SLC2A12: variants seen among roughly 807,000 people sequenced by gnomAD.
SLC2A12 encodes solute carrier family 2 member 12, also known as solute carrier family 2, facilitated glucose transporter member 12.
SLC2A12 carries 23 observed loss-of-function variants against 41.8 expected under a neutral mutation model. That is an observed-to-expected ratio of 0.55 (90% CI 0.40 to 0.78). SLC2A12 has a LOEUF of 0.78. SLC2A12 is among the 30% of genes least tolerant of loss of function. The pLI is 0.00. For missense variants in SLC2A12, 654 were observed against 745.6 expected, an observed-to-expected ratio of 0.88 and a Z score of 1.43; for synonymous variants, 295 against 285.9, an observed-to-expected ratio of 1.03 and a Z score of -0.32.
At chr6:134,030,260 C>T (rs891189952) in intron 1 of SLC2A12, among the ~76,000 whole-genome samples, 19 of 152,168 alleles carry the variant, frequency 1.2e-4, no homozygotes, top group African/African-American at 3.9e-4. Context: ...CACAGTCGTG[C>T]TGCAAATGGC....
chr6:134,049,784 C>T (rs894681877), intron 1 of SLC2A12, among the ~76,000 whole-genome samples: 3 of 152,150 alleles, frequency 2.0e-5, no homozygotes, highest in Admixed American at 6.5e-5. Flanking sequence ...AAAGACCTAC[C>T]AAAATTTTTC....
At chr6:133,992,146 G>A (rs1776631813) in intron 4 of SLC2A12, among the ~76,000 whole-genome samples, 1 of 152,134 alleles carries the variant, frequency 6.6e-6, no homozygotes, top group South Asian at 2.1e-4. Context: ...TCTGAGGAAG[G>A]TATTTTTTCA....
chr6:134,029,281 C>T lies in SLC2A12; in HGVS notation c.544G>A (p.Ala182Thr). Residue 182 changes from alanine (A) to threonine (T), a missense_variant, in exon 2 of 5, where the codon GCC (alanine) becomes ACC (threonine). Physicochemically the swap from Ala to Thr is moderately conservative, Grantham distance 58. Transcript: ENST00000275230. ...ELMIVIGILSAYISNYAFANV... is the reference protein window; with the variant it reads ...ELMIVIGILSTYISNYAFANV... Reference sequence around the variant, plus strand: ...GCAAATGCGTAATTTGAAATATAGGCAGAAAGAATGCCGATGACAATCATC... The same window carrying T: ...GCAAATGCGTAATTTGAAATATAGGTAGAAAGAATGCCGATGACAATCATC... 1 of 1,614,156 alleles carries T rather than the reference C, an allele frequency of 6.2e-7. No homozygotes were observed. The highest frequency in any genetic ancestry group is 2.2e-5 in the East Asian group (1 of 44,878).
chr6:134,008,339 A>G (rs150958514), intron 2 of SLC2A12, among the ~76,000 whole-genome samples: 37 of 152,360 alleles, frequency 2.4e-4, no homozygotes, highest in African/African-American at 8.7e-4. Context: ...ATTGCAGAAG[A>G]CTGGAAAAAA....
At chr6:134,027,595 G>C (rs946717888) in intron 2 of SLC2A12, among the ~76,000 whole-genome samples, 1 of 152,020 alleles carries the variant, frequency 6.6e-6, no homozygotes, top group Admixed American at 6.6e-5. Context: ...CTAGTGAGGC[G>C]TACAAAAGAC....
At chr6:134,014,780 A>T (rs897649667) in intron 2 of SLC2A12, among the ~76,000 whole-genome samples, 1 of 152,222 alleles carries the variant, frequency 6.6e-6, no homozygotes, top group African/African-American at 2.4e-5. Flanking sequence ...ACTGAGAGAT[A>T]AGTTAAACAC....
chr6:134,030,097 C>T (rs1562200782), intron 1 of SLC2A12, among the ~76,000 whole-genome samples: 1 of 152,184 alleles, frequency 6.6e-6, no homozygotes, highest in East Asian at 1.9e-4. Context: ...AAGAGCCTGA[C>T]TCTTTGGTCC....
Position 134,025,534 on chromosome 6 carries a change from G to A in SLC2A12, c.1444+2847C>T, listed in dbSNP as rs529604310. The stretch of plus-strand genomic sequence containing the variant: ...GAATGTTATTGAAAGACAACCAGCC[G>A]ACAGAATGTTTTCTCTTTTGTTGTT... On this transcript the variant is annotated intron_variant, in intron 2 of 4. Coordinates refer to ENST00000275230, the MANE Select transcript of SLC2A12 (RefSeq NM_145176.3). Among the ~76,000 whole-genome samples, 122 of 152,180 alleles carry A rather than the reference G, an allele frequency of 8.0e-4. No individual in the cohort carries two copies. In the Middle Eastern group the frequency reaches 0.017, roughly 21 times the overall value.
At chr6:134,030,217 C>T (rs574927913) in intron 1 of SLC2A12, among the ~76,000 whole-genome samples, 4 of 152,134 alleles carry the variant, frequency 2.6e-5, no homozygotes, top group Non-Finnish European at 4.4e-5. Flanking sequence ...TGAAACACAG[C>T]CTCCAGGAAA....
At chr6:134,023,717 T>A (rs558141620) in intron 2 of SLC2A12, among the ~76,000 whole-genome samples, 17 of 152,212 alleles carry the variant, frequency 1.1e-4, no homozygotes, top group Non-Finnish European at 2.1e-4. Context: ...TCACCTCTTA[T>A]TTTAGATGGA....
intron 2 of SLC2A12, among the ~76,000 whole-genome samples, chr6:134,008,751 GAAGCTA>G (rs2114436355): frequency 6.6e-6 from 1 of 152,300 alleles, no homozygotes; most frequent in Non-Finnish European, 1.5e-5. Flanking sequence ...ATCCGATTTT[GAAGCTA>G]AATAATATAT....
At chr6:134,039,449 T>C (rs941393541) in intron 1 of SLC2A12, among the ~76,000 whole-genome samples, 15 of 152,250 alleles carry the variant, frequency 9.9e-5, no homozygotes, top group Non-Finnish European at 1.9e-4. Flanking sequence ...ATGCTTTCCA[T>C]AATTTATTTA....
intron 1 of SLC2A12, among the ~76,000 whole-genome samples, chr6:134,043,102 C>T (rs542216582): frequency 6.6e-6 from 1 of 152,280 alleles, no homozygotes; most frequent in South Asian, 2.1e-4. Flanking sequence ...CACTACAGCA[C>T]TCTTCAAATT....
chr6:134,018,583 G>A (rs777662046), intron 2 of SLC2A12, among the ~76,000 whole-genome samples: 4 of 151,978 alleles, frequency 2.6e-5, no homozygotes, highest in South Asian at 2.1e-4. Flanking sequence ...TCATACAAAC[G>A]TTGGCCCAAA....
At chr6:134,032,420 AT>A (rs1562201538) in intron 1 of SLC2A12, among the ~76,000 whole-genome samples, 7 of 36,522 alleles carry the variant, frequency 1.9e-4, no homozygotes, top group Admixed American at 3.0e-4. Flanking sequence ...ATATATATAT[AT>A]ATATTTATAT....
rs142968040 is a variant in SLC2A12 at position 134,047,650 on chromosome 6, T to C, written c.103+4728A>G. On this transcript the variant is annotated intron_variant, in intron 1 of 4. Transcript: ENST00000275230. ...AGGAAAGATACCCTGTGGGCTCATA[T>C]TCAGGTCCTATCAGCTACCACCAGG... is the stretch of plus-strand genomic sequence containing the variant. Among the ~76,000 whole-genome samples, 348 of 152,336 alleles carry C rather than the reference T, an allele frequency of 2.3e-3. 2 individuals carry two copies. Among genetic ancestry groups the C allele is most frequent in the African/African-American group, 8.0e-3 (331 of 41,584 alleles).
intron 2 of SLC2A12, among the ~76,000 whole-genome samples, chr6:134,018,793 G>A (rs1253388275): frequency 1.3e-5 from 2 of 151,536 alleles, no homozygotes; most frequent in African/African-American, 2.4e-5. Flanking sequence ...ACTGGTTCGT[G>A]AAAATAAGAT....
intron 1 of SLC2A12, among the ~76,000 whole-genome samples, chr6:134,042,547 G>GA (rs563614759): frequency 0.12 from 15,602 of 135,126 alleles, 1,628 homozygotes; most frequent in African/African-American, 0.29. Flanking sequence ...CCCAGAAATA[G>GA]AAAAAAAAAA....
intron 1 of SLC2A12, among the ~76,000 whole-genome samples, chr6:134,035,206 G>A (rs1355449199): frequency 6.6e-6 from 1 of 150,592 alleles, no homozygotes; most frequent in Non-Finnish European, 1.5e-5. Context: ...CTGGCTGTAG[G>A]ATATCAGCCA....
Sources: allele counts gnomAD v4.1 joint callset (sites outside exome capture counted in the v4.1 genomes callset), GRCh38; gene constraint gnomAD v4.1.1; transcripts MANE v1.5; gene names NCBI Gene and HGNC (gene_info 2026-07-23, HGNC 2026-07-21).